MX1: variants seen among roughly 807,000 people sequenced by gnomAD.
The protein encoded by MX1 is MX dynamin like GTPase 1, also known as interferon-induced GTP-binding protein Mx1.
In MX1, 66 loss-of-function variants were observed where a neutral mutation model predicts 66.4. The observed-to-expected ratio is 0.99, with a 90% CI of 0.82 to 1.22. The LOEUF (loss-of-function observed/expected upper bound fraction) is 1.22, where lower values mean the gene tolerates loss of function less well. Ranked by LOEUF, MX1 falls within the 50% of genes most tolerant of loss-of-function variation. MX1 has a pLI of 0.00. For missense variants in MX1, 787 were observed against 834.3 expected (o/e 0.94, Z 0.70); for synonymous variants, 311 against 318.1 (o/e 0.98, Z 0.24).
intron 16 of MX1, among the ~76,000 whole-genome samples, chr21:41,453,143 C>T (rs1431486844): frequency 6.6e-6 from 1 of 152,160 alleles, no homozygotes. Flanking sequence ...GCACTTCTTA[C>T]CTGGCGGCGG....
At chr21:41,448,499 G>A (rs989938904) in intron 13 of MX1, among the ~76,000 whole-genome samples, 7 of 152,104 alleles carry the variant, frequency 4.6e-5, no homozygotes, top group Non-Finnish European at 7.4e-5. Context: ...CTTCATACTC[G>A]AGTACGTTTT....
rs553735444 is a variant in MX1 at position 41,443,625 on chromosome 21, T to A, written c.930-163T>A. 9.1e-5 allele frequency: 62 copies of A among 679,036 alleles called. No individual in the cohort carries two copies. In the East Asian group the frequency reaches 1.5e-3, roughly 17 times the overall value. The allele number at this position is 679,036 out of a possible 1,614,324, so 42.1% of individuals were successfully genotyped here. ...CTAGATTGCTAAAATTCAGTCATAA[T>A]CCTATTCAATCCAGTTCTGAGTATT... On this transcript the variant is annotated intron_variant, in intron 10 of 16. Transcript: ENST00000398598.
rs113927861 is a variant in MX1, at chr21:41,445,439, T to C, written c.1009-9T>C. ...CACATTTCCATTATTTTCTCTCCAT[T>C]TTCCTCAGAAATCTCTGCCCCTGTT... On this transcript the variant is annotated splice_polypyrimidine_tract_variant and intron_variant, in intron 11 of 16. Transcript: ENST00000398598. The C allele has an allele frequency of 4.3e-6, 7 of 1,613,580 alleles. No individual in the cohort carries two copies. Among genetic ancestry groups the C allele is most frequent in the African/African-American group, 2.7e-5 (2 of 74,950 alleles).
intron 13 of MX1, among the ~76,000 whole-genome samples, chr21:41,447,607 G>A (rs1044822596): frequency 2.0e-5 from 3 of 152,198 alleles, no homozygotes; most frequent in Admixed American, 2.0e-4. Context: ...AATAGTGGCT[G>A]CCAGGGGCTG....
intron 11 of MX1, 25 bp from the exon 12 acceptor site, chr21:41,445,423 A>T: frequency 6.2e-7 from 1 of 1,613,170 alleles, no homozygotes; most frequent in Non-Finnish European, 8.5e-7. Context: ...ACACATTTCC[A>T]TTATTTTCTC....
intron 5 of MX1, among the ~76,000 whole-genome samples, chr21:41,432,992 G>A (rs17000906): frequency 0.012 from 1,797 of 152,344 alleles, 43 homozygotes; most frequent in African/African-American, 0.04. Flanking sequence ...TTGTCTGGCT[G>A]TAAGAGATGT....
chr21:41,451,855 AC>A (rs1311286187), intron 15 of MX1, among the ~76,000 whole-genome samples: 43,403 of 141,250 alleles, frequency 0.31, 8,479 homozygotes, highest in African/African-American at 0.47. Flanking sequence ...AAAAAAACAA[AC>A]AAAAAAACTT....
At chr21:41,431,127 ATTC>A (rs2090199618) in intron 4 of MX1, among the ~76,000 whole-genome samples, 1 of 152,122 alleles carries the variant, frequency 6.6e-6, no homozygotes, top group South Asian at 2.1e-4. Flanking sequence ...GGTTCAAGTG[ATTC>A]TCCTGCCTCA....
chr21:41,443,943 C>T (rs2090588274), intron 11 of MX1, 77 bp downstream of exon 11: 1 of 1,299,664 alleles, frequency 7.7e-7, no homozygotes, highest in Non-Finnish European at 1.1e-6. Flanking sequence ...GCTTCTTAAA[C>T]ATCACTGTAC....
At chr21:41,452,582 G>A in intron 15 of MX1, 39 bp from the exon 16 acceptor site, 2 of 1,568,004 alleles carry the variant, frequency 1.3e-6, no homozygotes, top group African/African-American at 1.4e-5. Flanking sequence ...AGGAATTTGT[G>A]TCTTGAGGGA....
chr21:41,430,234 T>C (rs2090176014), intron 3 of MX1, among the ~76,000 whole-genome samples: 4 of 151,964 alleles, frequency 2.6e-5, no homozygotes, highest in Admixed American at 2.6e-4. Context: ...CTCATGGTAC[T>C]GACAAAGATC....
chr21:41,439,566 A>C (rs1182971557), intron 7 of MX1, 128 bp from the exon 8 acceptor site: 3 of 903,876 alleles, frequency 3.3e-6, no homozygotes, highest in Middle Eastern at 2.7e-4. Flanking sequence ...CAGAAAATTG[A>C]ATCTGCTCCA....
At position 41,453,254 on chromosome 21, in the gene MX1, A is replaced by T. The variant is rs562389030; in HGVS notation, c.1758+385A>T. Among the ~76,000 whole-genome samples, 3 of 152,334 alleles carry T rather than the reference A, an allele frequency of 2.0e-5. No individual in the cohort carries two copies. In the South Asian group the frequency reaches 6.2e-4, roughly 32 times the overall value. Reference sequence around the variant, plus strand: ...ACTACCATGAGAACAGTATTGGAGAAACTGCCCCCATGATTCAGTTATCTC... The same window carrying T: ...ACTACCATGAGAACAGTATTGGAGATACTGCCCCCATGATTCAGTTATCTC... On this transcript the variant is annotated intron_variant, in intron 16 of 16. Transcript: ENST00000398598.
intron 10 of MX1, among the ~76,000 whole-genome samples, chr21:41,443,009 A>G (rs867903866): frequency 5.9e-5 from 9 of 152,230 alleles, no homozygotes; most frequent in African/African-American, 2.2e-4. Context: ...TGGGAATATG[A>G]AAAGTTCTGA....
At chr21:41,435,722 T>C in intron 5 of MX1, 115 bp from the exon 6 acceptor site, 1 of 1,155,740 alleles carries the variant, frequency 8.7e-7, no homozygotes, top group Non-Finnish European at 1.2e-6. Flanking sequence ...CCTTGACACG[T>C]AGGGATTATG....
At chr21:41,451,814 G>A (rs552157579) in intron 15 of MX1, among the ~76,000 whole-genome samples, 8 of 145,270 alleles carry the variant, frequency 5.5e-5, no homozygotes, top group African/African-American at 1.8e-4. Flanking sequence ...TAGCCTAGGC[G>A]ATGGAGCGAG....
At position 41,437,164 on chromosome 21, in the gene MX1, CT is replaced by C; in HGVS notation, c.436+13del. 1 of 1,613,720 alleles carries C rather than the reference CT, an allele frequency of 6.2e-7. No individual in the cohort carries two copies. Among genetic ancestry groups the C allele is most frequent in the Non-Finnish European group, 8.5e-7 (1 of 1,179,744 alleles). Reference sequence around the variant, plus strand: ...GGAAATTAATAAAGGTGAGTACCCCCTGTTTGGATGCCTGGTCAAGCCTTCT... The same window carrying C: ...GGAAATTAATAAAGGTGAGTACCCCCGTTTGGATGCCTGGTCAAGCCTTCT... On this transcript the variant is annotated intron_variant, in intron 7 of 16. Coordinates refer to ENST00000398598, the MANE Select transcript of MX1 (RefSeq NM_002462.5).
At chr21:41,439,614 T>C (rs1040758963) in intron 7 of MX1, 80 bp from the exon 8 acceptor site, 1 of 1,354,384 alleles carries the variant, frequency 7.4e-7, no homozygotes, top group Non-Finnish European at 1.0e-6. Flanking sequence ...GAGGAGAAGA[T>C]GCTTTCAGAG....
At chr21:41,435,781 A>G (rs1468397278) in intron 5 of MX1, 56 bp from the exon 6 acceptor site, 9 of 1,564,760 alleles carry the variant, frequency 5.8e-6, no homozygotes, top group Middle Eastern at 4.1e-4. Context: ...GAACCAAACC[A>G]TATCATGAGC....
Sources: gnomAD v4.1 joint callset for allele counts (sites outside exome capture counted in the v4.1 genomes callset) on GRCh38, gnomAD v4.1.1 for gene constraint, MANE v1.5 for transcripts, NCBI Gene and HGNC (gene_info 2026-07-23, HGNC 2026-07-21) for gene names.